Variants in LINGO1 observed in about 807,000 individuals in gnomAD.
The protein encoded by LINGO1 is leucine-rich repeat and immunoglobulin-like domain-containing nogo receptor-interacting protein 1.
A neutral mutation model predicts 37.3 loss-of-function variants in LINGO1; 11 were observed. The observed-to-expected ratio is 0.29, with a 90% CI of 0.19 to 0.49. The LOEUF is 0.49. LINGO1 is among the 20% of genes least tolerant of loss of function. The pLI, the probability that LINGO1 is intolerant of heterozygous loss-of-function variation, is 0.99. For missense variants in LINGO1, 585 were observed against 878.2 expected (o/e 0.67, Z 4.22); for synonymous variants, 387 against 403.0 (o/e 0.96, Z 0.48).
intron 1 of LINGO1, among the ~76,000 whole-genome samples, chr15:77,798,900 G>A (rs1002673049): frequency 1.2e-4 from 19 of 152,212 alleles, no homozygotes; most frequent in Admixed American, 2.6e-4. Context: ...AGTGGGGCTG[G>A]CACCCGGTAC....
At position 77,794,351 on chromosome 15, in the gene LINGO1, CGT is replaced by C. The variant is rs1567588067; in HGVS notation, c.-343+1586_-343+1587del. On this transcript the variant is annotated intron_variant, in intron 2 of 5. Transcript: ENST00000562933. ...ATATATGTATATACATACATATATA[CGT>C]ATATATGTGTATATACATACGTATA... 4.7e-4 allele frequency among the ~76,000 whole-genome samples: 51 copies of C among 109,412 alleles called. 3 individuals carry two copies. Among genetic ancestry groups the C allele is most frequent in the Middle Eastern group, 5.1e-3 (1 of 196 alleles). 71.8% of individuals were successfully genotyped at this position (109,412 alleles called of 152,430 possible).
chr15:77,805,577 G>A (rs2076952979), intron 1 of LINGO1, among the ~76,000 whole-genome samples: 2 of 152,136 alleles, frequency 1.3e-5, no homozygotes, highest in African/African-American at 4.8e-5. Context: ...CGAGAGCTGT[G>A]GCTGTGGAGC....
chr15:77,615,022 G>A lies in LINGO1; in HGVS notation c.885C>T (p.Ser295=), dbSNP rs34904447. Residue 295 remains serine, a synonymous_variant, in exon 2 of 2, where the codon TCC becomes TCT. Transcript: ENST00000355300. ...CCTCAATGGTGCTGATGGGGTTGTAGGAGAGGTTGAGGAAGCGGAGATAGA... is the reference window on the plus strand; with the variant it reads ...CCTCAATGGTGCTGATGGGGTTGTAAGAGAGGTTGAGGAAGCGGAGATAGA... ...HLVYLRFLNL[S]YNPISTIEGS... is the part of the protein sequence containing the mutation. The A allele has an allele frequency of 1.8e-4, 284 of 1,613,942 alleles. No homozygotes were observed. Among genetic ancestry groups the A allele is most frequent in the Non-Finnish European group, 2.4e-4 (279 of 1,179,908 alleles).
At chr15:77,804,521 G>A (rs1280172533) in intron 1 of LINGO1, among the ~76,000 whole-genome samples, 1 of 152,216 alleles carries the variant, frequency 6.6e-6, no homozygotes, top group African/African-American at 2.4e-5. Context: ...AGGTCAGAGT[G>A]AGTGAGCGAC....
At chr15:77,637,480 C>A (rs758960412), upstream of LINGO1, among the ~76,000 whole-genome samples, 1 of 152,192 alleles carries the variant, frequency 6.6e-6, no homozygotes, top group Admixed American at 6.5e-5. This position sits in a 1 kb window ranked among gnomAD's most constrained non-coding sequence, Gnocchi z 4.6. Flanking sequence ...TCCCCTCGGG[C>A]GGGGCTGTAT....
intron 3 of LINGO1, among the ~76,000 whole-genome samples, chr15:77,663,549 T>A (rs2075045204): frequency 6.6e-6 from 1 of 152,160 alleles, no homozygotes; most frequent in South Asian, 2.1e-4. Flanking sequence ...GGCAGTGACA[T>A]CTTCAGGTAT....
intron 2 of LINGO1, among the ~76,000 whole-genome samples, chr15:77,705,205 A>ACACACACACACACC (rs1555532644): frequency 2.1e-5 from 3 of 145,330 alleles, no homozygotes; most frequent in African/African-American, 8.1e-5. Flanking sequence ...ACACACACAC[A>ACACACACACACACC]CCAGTCCACT....
intron 2 of LINGO1, among the ~76,000 whole-genome samples, chr15:77,726,862 A>G (rs1269028731): frequency 6.6e-6 from 1 of 152,280 alleles, no homozygotes; most frequent in Non-Finnish European, 1.5e-5. Context: ...AGGGGTTAAT[A>G]TCTAGAATAC....
At chr15:77,816,924 G>A (rs1218776381) in intron 1 of LINGO1, among the ~76,000 whole-genome samples, 3 of 152,122 alleles carry the variant, frequency 2.0e-5, no homozygotes, top group Non-Finnish European at 2.9e-5. Flanking sequence ...CAACACTCAG[G>A]AGGCAAAAGT....
intron 2 of LINGO1, among the ~76,000 whole-genome samples, chr15:77,708,341 T>C (rs2075877589): frequency 6.6e-6 from 1 of 151,976 alleles, no homozygotes; most frequent in Non-Finnish European, 1.5e-5. Context: ...ATCGGGAGGC[T>C]GGAACCCTGT....
At chr15:77,816,190 C>A (rs1044122423) in intron 1 of LINGO1, among the ~76,000 whole-genome samples, 1 of 152,218 alleles carries the variant, frequency 6.6e-6, no homozygotes, top group African/African-American at 2.4e-5. Flanking sequence ...AGGTATGGGT[C>A]CAAATCTGTT....
At chr15:77,717,847 G>A (rs2076003415) in intron 2 of LINGO1, among the ~76,000 whole-genome samples, 1 of 150,926 alleles carries the variant, frequency 6.6e-6, no homozygotes, top group African/African-American at 2.4e-5. Flanking sequence ...GCCCAGCCCA[G>A]CCAGGCTGGA....
intron 1 of LINGO1, among the ~76,000 whole-genome samples, chr15:77,760,558 G>A (rs528257839): frequency 2.0e-5 from 3 of 152,330 alleles, no homozygotes; most frequent in African/African-American, 7.2e-5. Context: ...GGAGCAATCC[G>A]CTGGGGCTGA....
chr15:77,693,090 G>A (rs925651199), intron 1 of LINGO1, among the ~76,000 whole-genome samples: 9 of 152,054 alleles, frequency 5.9e-5, no homozygotes, highest in East Asian at 1.9e-4. Flanking sequence ...ACACACACAC[G>A]CACACACACA....
intron 1 of LINGO1, among the ~76,000 whole-genome samples, chr15:77,739,294 C>T (rs1298270571): frequency 6.6e-6 from 1 of 152,184 alleles, no homozygotes; most frequent in African/African-American, 2.4e-5. Context: ...CTGCAAGACC[C>T]AGAAGATTGA....
At chr15:77,646,311 AC>A in intron 3 of LINGO1, 2 of 365,720 alleles carry the variant, frequency 5.5e-6, no homozygotes, top group Non-Finnish European at 1.1e-5. Flanking sequence ...TGGGCGGGGA[AC>A]CCGGACCTAC....
At chr15:77,640,160 T>C (rs1212792469) in intron 3 of LINGO1, among the ~76,000 whole-genome samples, 1 of 152,188 alleles carries the variant, frequency 6.6e-6, no homozygotes, top group African/African-American at 2.4e-5. Flanking sequence ...CAGTTTATTT[T>C]TCTGTGACTT....
At chr15:77,647,928 A>G (rs756097915) in intron 3 of LINGO1, 6 of 456,408 alleles carry the variant, frequency 1.3e-5, no homozygotes, top group Non-Finnish European at 2.6e-5. Flanking sequence ...CTCTATGAAA[A>G]TTGGTGCCAC....
intron 1 of LINGO1, among the ~76,000 whole-genome samples, chr15:77,616,159 T>C (rs1595980632): frequency 6.6e-6 from 1 of 151,892 alleles, no homozygotes; most frequent in Admixed American, 6.5e-5. Context: ...AAGGGGCGGG[T>C]CACCTCAGAC....
Sources: allele counts gnomAD v4.1 joint callset (sites outside exome capture counted in the v4.1 genomes callset), GRCh38; gene constraint gnomAD v4.1.1; non-coding constraint Gnocchi (gnomAD v3.1); transcripts MANE v1.5; gene names NCBI Gene and HGNC (gene_info 2026-07-23, HGNC 2026-07-21).